The following MAGI3 variants were observed in gnomAD, a reference collection of about 807,000 sequenced individuals.
MAGI3 encodes the protein membrane associated guanylate kinase, WW and PDZ domain containing 3.
Under a neutral mutation model 121.8 loss-of-function variants are expected in MAGI3, and 43 were observed. The observed-to-expected ratio is 0.35, with a 90% CI of 0.28 to 0.46. MAGI3 has a LOEUF of 0.46. Among genes scored for constraint, MAGI3 ranks in the 20% least tolerant of loss-of-function variants. The pLI, the probability that MAGI3 is intolerant of heterozygous loss-of-function variation, is 1.00. For missense variants in MAGI3, 1,547 were observed against 1,797.3 expected (o/e 0.86, Z 2.52); for synonymous variants, 553 against 639.3 (o/e 0.86, Z 2.04).
chr1:113,460,920 C>T (rs1460352322), intron 1 of MAGI3, among the ~76,000 whole-genome samples: 4 of 152,114 alleles, frequency 2.6e-5, no homozygotes, highest in African/African-American at 9.7e-5. Flanking sequence ...AATTTACTAG[C>T]ATTCCTATAC....
At chr1:113,484,495 C>T (rs1407694587) in intron 1 of MAGI3, among the ~76,000 whole-genome samples, 12 of 152,050 alleles carry the variant, frequency 7.9e-5, no homozygotes, top group Non-Finnish European at 1.2e-4. Context: ...TGAGAACATA[C>T]GATGTTTCGT....
At chr1:113,452,083 A>G (rs1654511580) in intron 1 of MAGI3, among the ~76,000 whole-genome samples, 1 of 152,196 alleles carries the variant, frequency 6.6e-6, no homozygotes, top group South Asian at 2.1e-4. Flanking sequence ...AAGAGATCAC[A>G]ATATCTTTCT....
At chr1:113,415,439 T>G (rs1336887429) in intron 1 of MAGI3, among the ~76,000 whole-genome samples, 2 of 152,088 alleles carry the variant, frequency 1.3e-5, no homozygotes, top group Non-Finnish European at 1.5e-5. Flanking sequence ...CAGCAATAGT[T>G]GAGAATGAAT....
intron 1 of MAGI3, among the ~76,000 whole-genome samples, chr1:113,490,078 A>G (rs1557784930): frequency 6.6e-6 from 1 of 152,176 alleles, no homozygotes; most frequent in Non-Finnish European, 1.5e-5. Context: ...CATCCCCAAG[A>G]TACATACTCA....
At chr1:113,393,713 A>G (rs1214096119) in intron 1 of MAGI3, among the ~76,000 whole-genome samples, 1 of 152,236 alleles carries the variant, frequency 6.6e-6, no homozygotes, top group African/African-American at 2.4e-5. Context: ...AGAGACAAAG[A>G]TTCTTTATTG....
At chr1:113,434,345 G>A (rs1443576994) in intron 1 of MAGI3, among the ~76,000 whole-genome samples, 1 of 152,120 alleles carries the variant, frequency 6.6e-6, no homozygotes, top group African/African-American at 2.4e-5. Context: ...TGAGGTGGGA[G>A]GATGGCTTGA....
intron 1 of MAGI3, among the ~76,000 whole-genome samples, chr1:113,469,339 A>C (rs1655434307): frequency 6.6e-6 from 1 of 152,198 alleles, no homozygotes; most frequent in African/African-American, 2.4e-5. Context: ...TTGGTCATCC[A>C]TAATTATCAC....
chr1:113,594,431 T>A (rs547349403), intron 5 of MAGI3, 50 bp from the exon 6 acceptor site: 7 of 1,427,682 alleles, frequency 4.9e-6, no homozygotes, highest in Non-Finnish European at 5.8e-6. Context: ...TTTGAAATAA[T>A]TTTCTCCTCC....
rs563474158 is a variant in MAGI3 at position 113,391,619 on chromosome 1, T to A, written c.316+270T>A. ...CTAGAAGCTGGGTTTCCTACATTTG[T>A]AGCTCCATCTCCCCCCGCAGACAAG... On this transcript the variant is annotated intron_variant, in intron 1 of 20. Transcript: ENST00000307546. The surrounding 1 kb of genome is among the most constrained non-coding windows in gnomAD (Gnocchi z 4.4). Among the ~76,000 whole-genome samples, 1 of 152,302 alleles carries A rather than the reference T, an allele frequency of 6.6e-6. No individual in the cohort carries two copies. The highest frequency in any genetic ancestry group is 1.5e-5 in the Non-Finnish European group (1 of 68,010).
chr1:113,642,556 A>G, intron 10 of MAGI3, 40 bp downstream of exon 10: 1 of 1,569,340 alleles, frequency 6.4e-7, no homozygotes, highest in South Asian at 1.2e-5. Flanking sequence ...TCAGTGTTCA[A>G]GCGTTTATAT....
chr1:113,445,614 A>G (rs1057471945), intron 1 of MAGI3, among the ~76,000 whole-genome samples: 68 of 152,184 alleles, frequency 4.5e-4, no homozygotes, highest in African/African-American at 1.6e-3. Context: ...TTAAAAAATC[A>G]TATTTTTGAA....
intron 11 of MAGI3, 55 bp downstream of exon 11, chr1:113,643,829 C>G: frequency 6.6e-7 from 1 of 1,520,534 alleles, no homozygotes; most frequent in South Asian, 1.1e-5. Flanking sequence ...AGAGATGCCA[C>G]ATTCCCCTCT....
intron 1 of MAGI3, among the ~76,000 whole-genome samples, chr1:113,511,228 T>C (rs770098313): frequency 2.6e-5 from 4 of 152,210 alleles, no homozygotes; most frequent in Non-Finnish European, 4.4e-5. Flanking sequence ...GTAGGACCTG[T>C]TAAGGATATT....
intron 3 of MAGI3, 52 bp from the exon 4 acceptor site, chr1:113,585,335 C>G (rs1227350496): frequency 1.3e-5 from 20 of 1,540,068 alleles, no homozygotes; most frequent in Non-Finnish European, 1.7e-5. Flanking sequence ...TCAAATTGCT[C>G]TGACTCTCAC....
chr1:113,416,851 A>G (rs1267591303), intron 1 of MAGI3, among the ~76,000 whole-genome samples: 2 of 151,964 alleles, frequency 1.3e-5, no homozygotes, highest in Non-Finnish European at 2.9e-5. Context: ...AATAAAAACG[A>G]CAAAGTTGCA....
At position 113,681,183 on chromosome 1, in the gene MAGI3, A is replaced by G; in HGVS notation, c.3190-15A>G. 6.2e-7 allele frequency: 1 copy of G among 1,609,184 alleles called. No homozygotes were observed. Among genetic ancestry groups the G allele is most frequent in the Non-Finnish European group, 8.5e-7 (1 of 1,178,624 alleles). On this transcript the variant is annotated splice_polypyrimidine_tract_variant and intron_variant, in intron 19 of 20. Transcript: ENST00000307546. ...GCATAGTTTCATGTTGTTCCTGTGA[A>G]TGTTCTCTGTCTAGGTTGGTGACCA...
At chr1:113,682,414 A>G in intron 20 of MAGI3, 1 of 1,410,960 alleles carries the variant, frequency 7.1e-7, no homozygotes, top group Middle Eastern at 1.9e-4. Context: ...TCTTCTTTTG[A>G]CATTAAATTT....
intron 1 of MAGI3, among the ~76,000 whole-genome samples, chr1:113,437,399 T>C (rs1193381091): frequency 6.6e-6 from 1 of 152,092 alleles, no homozygotes; most frequent in African/African-American, 2.4e-5. Flanking sequence ...TCTTTATTTT[T>C]CTAGACCCTT....
At chr1:113,518,743 A>G (rs1251055980) in intron 1 of MAGI3, among the ~76,000 whole-genome samples, 1 of 152,134 alleles carries the variant, frequency 6.6e-6, no homozygotes, top group Non-Finnish European at 1.5e-5. Flanking sequence ...ATAGAAAAAC[A>G]TGTGTATTGT....
Sources: allele counts gnomAD v4.1 joint callset (sites outside exome capture counted in the v4.1 genomes callset), GRCh38; gene constraint gnomAD v4.1.1; non-coding constraint Gnocchi (gnomAD v3.1); transcripts MANE v1.5; gene names NCBI Gene and HGNC (gene_info 2026-07-23, HGNC 2026-07-21).